Variants in CDH15 observed in about 807,000 individuals in gnomAD.
CDH15 encodes the protein cadherin 15.
A neutral mutation model predicts 69.4 loss-of-function variants in CDH15; 73 were observed. The ratio of observed to expected loss-of-function variants is 1.05; its 90% CI spans 0.87 to 1.28. The LOEUF (loss-of-function observed/expected upper bound fraction) is 1.28, where lower values mean the gene tolerates loss of function less well. Among genes scored for constraint, CDH15 ranks in the 50% most tolerant of loss-of-function variants. The pLI, the probability that CDH15 is intolerant of heterozygous loss-of-function variation, is 0.00. For missense variants in CDH15, 1,343 were observed against 1,133.6 expected (o/e 1.18, Z -2.65); for synonymous variants, 624 against 507.7 (o/e 1.23, Z -3.08).
chr16:89,194,870 G>C lies in CDH15; in HGVS notation c.2160G>C (p.Glu720Asp). 6.2e-7 allele frequency: 1 copy of C among 1,604,344 alleles called. No individual in the cohort carries two copies. Among genetic ancestry groups the C allele is most frequent in the Non-Finnish European group, 8.5e-7 (1 of 1,175,352 alleles). Residue 720 changes from glutamate (E) to aspartate (D), a missense_variant, in exon 14 of 14, where the codon GAG (glutamate) becomes GAC (aspartate). Glu to Asp is a conservative substitution (Grantham distance 45). Coordinates refer to ENST00000289746, the MANE Select transcript of CDH15 (RefSeq NM_004933.3). The stretch of plus-strand genomic sequence containing the variant: ...TCCGGGCCTCTTTATAGGGCTTGGA[G>C]GCTGCAGATAGTGACCCCAGTGTGC... ...DIADFINDGL[E>D]AADSDPSVPP...
Position 89,193,465 on chromosome 16 carries a change from C to G in CDH15, c.1856-5C>G, listed in dbSNP as rs1915705991. ...GGCCCCAGCCTGCGTCCCCTCATTC[C>G]CCAGTGCTGGTCCTGCTCGTGGCAC... On this transcript the variant is annotated splice_polypyrimidine_tract_variant and splice_region_variant and intron_variant, in intron 11 of 13. Coordinates refer to ENST00000289746, the MANE Select transcript of CDH15 (RefSeq NM_004933.3). 2 of 1,609,220 alleles carry G rather than the reference C, an allele frequency of 1.2e-6. No individual in the cohort carries two copies. Among genetic ancestry groups the G allele is most frequent in the African/African-American group, 2.7e-5 (2 of 74,526 alleles).
At chr16:89,190,912 C>A (rs1915624883) in intron 8 of CDH15, among the ~76,000 whole-genome samples, 1 of 152,172 alleles carries the variant, frequency 6.6e-6, no homozygotes, top group African/African-American at 2.4e-5. Context: ...AGCTCGCCTG[C>A]CCTCCCTGAG....
chr16:89,172,656 C>T (rs1915180985), intron 1 of CDH15, among the ~76,000 whole-genome samples: 1 of 152,190 alleles, frequency 6.6e-6, no homozygotes, highest in African/African-American at 2.4e-5. Flanking sequence ...GGCCTCAGCC[C>T]CCCACACCCG....
intron 1 of CDH15, among the ~76,000 whole-genome samples, chr16:89,173,683 G>A (rs1423396934): frequency 6.6e-6 from 1 of 152,194 alleles, no homozygotes; most frequent in African/African-American, 2.4e-5. Flanking sequence ...CCGCCTCCTG[G>A]TGAGCCCCCA....
Position 89,195,069 on chromosome 16 carries a change from G to A in CDH15, c.2359G>A (p.Glu787Lys). The A allele has an allele frequency of 2.5e-6, 4 of 1,612,454 alleles. No individual in the cohort carries two copies. The highest frequency in any genetic ancestry group is 1.1e-5 in the South Asian group (1 of 91,060). Residue 787 changes from glutamate to lysine, a missense_variant, in exon 14 of 14, where the codon GAG becomes AAG. By Grantham distance (56) the Glu-to-Lys change is moderately conservative. Transcript: ENST00000289746. ...ADMYGHPCGL[E>K]YGARWDHQAR... is the part of the protein sequence containing the mutation. ...CATGTATGGGCACCCGTGCGGGTTG[G>A]AGTACGGGGCCAGATGGGACCACCA...
chr16:89,178,989 C>T (rs1915316366), intron 1 of CDH15, among the ~76,000 whole-genome samples: 1 of 152,224 alleles, frequency 6.6e-6, no homozygotes, highest in Non-Finnish European at 1.5e-5. Flanking sequence ...GCACCGCTAC[C>T]CTGGCACCTG....
Position 89,195,186 on chromosome 16 carries a change from C to G in CDH15, c.*31C>G, listed in dbSNP as rs370773912. The G allele has an allele frequency of 1.1e-5, 17 of 1,542,752 alleles. No homozygotes were observed. The highest frequency in any genetic ancestry group is 2.3e-5 in the East Asian group (1 of 43,660). On this transcript the variant is annotated 3_prime_UTR_variant, in exon 14 of 14. Transcript: ENST00000289746. ...GGGCGCAACTGGACATGCCACTCCC[C>G]GGCCTCGTGGCAGTGATGGCCCCTG...
intron 1 of CDH15, among the ~76,000 whole-genome samples, chr16:89,178,535 G>A (rs946099661): frequency 2.0e-5 from 3 of 152,118 alleles, no homozygotes; most frequent in Admixed American, 1.3e-4. Flanking sequence ...CCTCTTGGCT[G>A]TGCAGCCACA....
At chr16:89,194,136 G>T (rs573002613) in intron 13 of CDH15, among the ~76,000 whole-genome samples, 3 of 152,358 alleles carry the variant, frequency 2.0e-5, no homozygotes, top group African/African-American at 7.2e-5. Context: ...GCGGGTCTTT[G>T]CACAGATGGA....
chr16:89,187,811 C>T (rs548898050), intron 6 of CDH15, among the ~76,000 whole-genome samples: 2 of 152,306 alleles, frequency 1.3e-5, no homozygotes, highest in East Asian at 3.9e-4. Context: ...GAGGCCCTCT[C>T]GCATTGCAGA....
rs1405776646 is a variant in CDH15 at position 89,191,855 on chromosome 16, C to T, written c.1576C>T (p.Pro526Ser). The T allele has an allele frequency of 1.3e-6, 2 of 1,598,722 alleles. No individual in the cohort carries two copies. The highest frequency in any genetic ancestry group is 1.7e-5 in the Admixed American group (1 of 59,214). ...PFHFQLSPRL[P>S]ELGRNWSLSQ... Reference sequence around the variant, plus strand: ...CCACTTCCAGCTGAGCCCCAGGCTCCCAGAGCTCGGCCGGAACTGGAGCCT... The same window carrying T: ...CCACTTCCAGCTGAGCCCCAGGCTCTCAGAGCTCGGCCGGAACTGGAGCCT... Residue 526 changes from proline to serine, a missense_variant, in exon 10 of 14, where the codon CCA (proline) becomes TCA (serine). Pro to Ser is a moderately conservative substitution (Grantham distance 74). Transcript: ENST00000289746.
At chr16:89,193,944 A>G (rs748451438) in intron 13 of CDH15, 31 bp downstream of exon 13, 1 of 1,606,378 alleles carries the variant, frequency 6.2e-7, no homozygotes, top group Admixed American at 1.7e-5. Context: ...CCCAGTACAC[A>G]CAGGCACGCA....
chr16:89,174,737 C>G (rs989402429), intron 1 of CDH15, among the ~76,000 whole-genome samples: 1 of 152,154 alleles, frequency 6.6e-6, no homozygotes, highest in Non-Finnish European at 1.5e-5. Flanking sequence ...TGGGGACCCC[C>G]TGTGGGGAAG....
intron 1 of CDH15, among the ~76,000 whole-genome samples, chr16:89,172,396 G>T (rs984615730): frequency 7.2e-5 from 11 of 152,114 alleles, no homozygotes; most frequent in Admixed American, 2.0e-4. Context: ...TCACCCTCAC[G>T]GCTACTTCTC....
At chr16:89,193,356 C>A in intron 11 of CDH15, 114 bp from the exon 12 acceptor site, 1 of 576,416 alleles carries the variant, frequency 1.7e-6, no homozygotes, top group Non-Finnish European at 2.9e-6. Flanking sequence ...CTCAACCCCA[C>A]CCCTGCTTAC....
In CDH15 at chr16:89,193,852, AC is replaced by A. The variant is rs1915718737; in HGVS notation, c.2095del (p.Gln699SerfsTer51). On this transcript the variant is annotated frameshift_variant, in exon 13 of 14. Transcript: ENST00000289746. LOFTEE classifies it high-confidence loss of function. ...AGAGATGCCCCGCAGGGCCGCCTGCACCCCCAGCCACCCCGAGTGCTGCCCA... is the reference window on the plus strand; with the variant it reads ...AGAGATGCCCCGCAGGGCCGCCTGCACCCCAGCCACCCCGAGTGCTGCCCA... ...LRRDAPQGRL[H>X]PQPPRVLPTS... The A allele has an allele frequency of 6.2e-7, 1 of 1,611,458 alleles. No individual in the cohort carries two copies. The highest frequency in any genetic ancestry group is 1.1e-5 in the South Asian group (1 of 91,038).
chr16:89,191,791 C>T lies in CDH15; in HGVS notation c.1512C>T (p.Gly504=), dbSNP rs372431646. 2 of 1,606,038 alleles carry T rather than the reference C, an allele frequency of 1.2e-6. No homozygotes were observed. Among genetic ancestry groups the T allele is most frequent in the Middle Eastern group, 1.6e-4 (1 of 6,078 alleles). The change falls in exon 10 of 14, where the codon GGC becomes GGT. Residue 504 remains glycine (G), a synonymous_variant. Coordinates refer to ENST00000289746, the MANE Select transcript of CDH15 (RefSeq NM_004933.3). ...EPHQGPGLLL[G]ATDEDLPPHG... ...ACCAAGGCCCAGGCCTCCTCCTGGG[C>T]GCCACGGATGAGGACCTGCCCCCCC...
intron 3 of CDH15, among the ~76,000 whole-genome samples, chr16:89,181,994 A>AAAG (rs1275589331): frequency 1.3e-5 from 2 of 151,438 alleles, no homozygotes; most frequent in Non-Finnish European, 2.9e-5. Flanking sequence ...GGAGAAGAAG[A>AAAG]AAGAAGAAGA....
In CDH15 at chr16:89,190,287, G is replaced by A. The variant is rs72819366; in HGVS notation, c.1023G>A (p.Ser341=). The change falls in exon 8 of 14, where the codon TCG becomes TCA. Residue 341 remains serine (S), a synonymous_variant. Coordinates refer to ENST00000289746, the MANE Select transcript of CDH15 (RefSeq NM_004933.3). Reference sequence around the variant, plus strand: ...GTGAACACTACGAACTCAAAGTGTCGGTGCAGAATGAGGCCCCGCTGCAGG... The same window carrying A: ...GTGAACACTACGAACTCAAAGTGTCAGTGCAGAATGAGGCCCCGCTGCAGG... The part of the protein sequence containing the change: ...ESCEHYELKV[S]VQNEAPLQAA... 0.19 allele frequency: 311,823 copies of A among 1,612,062 alleles called. 31,774 individuals are homozygous for A. The highest frequency in any genetic ancestry group is 0.33 in the East Asian group (14,824 of 44,810).
Sources: allele counts gnomAD v4.1 joint callset (sites outside exome capture counted in the v4.1 genomes callset), GRCh38; gene constraint gnomAD v4.1.1; transcripts MANE v1.5; gene names NCBI Gene and HGNC (gene_info 2026-07-23, HGNC 2026-07-21).